The following SIK3 variants were observed in gnomAD, a reference collection of about 807,000 sequenced individuals.
The protein encoded by SIK3 is serine/threonine-protein kinase SIK3.
A neutral mutation model predicts 144.2 loss-of-function variants in SIK3; 28 were observed. The observed-to-expected ratio is 0.19, with a 90% CI of 0.14 to 0.27. The LOEUF is 0.27. Among genes scored for constraint, SIK3 ranks in the 10% least tolerant of loss-of-function variants. The probability of loss-of-function intolerance (pLI) is 1.00; values close to 1 mark genes in which losing one functional copy is unlikely to be tolerated. For missense variants in SIK3, 1,319 were observed against 1,776.0 expected, an observed-to-expected ratio of 0.74 and a Z score of 4.62; for synonymous variants, 686 against 676.3, an observed-to-expected ratio of 1.01 and a Z score of -0.22.
intron 4 of SIK3, among the ~76,000 whole-genome samples, chr11:116,924,828 C>G (rs546699129): frequency 8.7e-4 from 132 of 152,232 alleles, no homozygotes; most frequent in South Asian, 1.9e-3. Flanking sequence ...GTCCAGAGGG[C>G]CTTCTTTTAA....
At chr11:117,035,798 T>A in intron 1 of SIK3, 2 of 1,437,624 alleles carry the variant, frequency 1.4e-6, no homozygotes, top group Non-Finnish European at 1.9e-6. Flanking sequence ...AGAGTGCTTT[T>A]AGTGCTGCTT....
intron 1 of SIK3, among the ~76,000 whole-genome samples, chr11:117,052,764 A>C (rs1413336869): frequency 6.6e-6 from 1 of 152,224 alleles, no homozygotes; most frequent in Non-Finnish European, 1.5e-5. Flanking sequence ...TGCAGATAGG[A>C]AGCTTCATTG....
At chr11:116,994,951 C>CA (rs1950610684) in intron 1 of SIK3, among the ~76,000 whole-genome samples, 1 of 150,864 alleles carries the variant, frequency 6.6e-6, no homozygotes, top group Non-Finnish European at 1.5e-5. Context: ...ACTTTCACTC[C>CA]TTTTTTTTTC....
At chr11:116,851,613 T>G (rs183550767) in intron 21 of SIK3, among the ~76,000 whole-genome samples, 3 of 152,192 alleles carry the variant, frequency 2.0e-5, no homozygotes. Flanking sequence ...TGAGAAATCT[T>G]TTGAAAGTTC....
At chr11:116,919,844 G>A (rs780590934) in intron 4 of SIK3, among the ~76,000 whole-genome samples, 1 of 152,060 alleles carries the variant, frequency 6.6e-6, no homozygotes, top group Non-Finnish European at 1.5e-5. Context: ...ACATATGATT[G>A]GTTATCTGGT....
At chr11:116,927,692 T>A (rs1391445012) in intron 3 of SIK3, among the ~76,000 whole-genome samples, 1 of 152,218 alleles carries the variant, frequency 6.6e-6, no homozygotes, top group Admixed American at 6.5e-5. Context: ...TTTCATATCC[T>A]CACTGCAGAA....
At chr11:116,883,301 C>A (rs1944641622) in intron 6 of SIK3, among the ~76,000 whole-genome samples, 1 of 152,164 alleles carries the variant, frequency 6.6e-6, no homozygotes, top group African/African-American at 2.4e-5. Context: ...TGCTGTTTTT[C>A]CTCATGAAAA....
At chr11:116,848,714 A>G (rs974724135) in intron 22 of SIK3, among the ~76,000 whole-genome samples, 5 of 152,218 alleles carry the variant, frequency 3.3e-5, no homozygotes, top group Non-Finnish European at 7.3e-5. Flanking sequence ...AGGGTGACTC[A>G]AAGAAAATGC....
chr11:116,990,609 TA>T (rs1295902119), intron 1 of SIK3, among the ~76,000 whole-genome samples: 1 of 152,178 alleles, frequency 6.6e-6, no homozygotes, highest in Non-Finnish European at 1.5e-5. Context: ...CAGACACAAG[TA>T]TCTCCAACCA....
intron 22 of SIK3, among the ~76,000 whole-genome samples, chr11:116,848,332 G>A (rs1256004761): frequency 6.6e-6 from 1 of 152,044 alleles, no homozygotes; most frequent in Non-Finnish European, 1.5e-5. Flanking sequence ...GGGTGACAGA[G>A]CAAGACTCTG....
intron 4 of SIK3, among the ~76,000 whole-genome samples, chr11:116,922,119 A>G (rs1464421657): frequency 6.6e-6 from 1 of 152,210 alleles, no homozygotes; most frequent in Non-Finnish European, 1.5e-5. Context: ...TATAATATCT[A>G]TAACTAATAT....
At chr11:116,954,476 C>CAAA (rs375861538) in intron 2 of SIK3, among the ~76,000 whole-genome samples, 5 of 125,108 alleles carry the variant, frequency 4.0e-5, no homozygotes, top group Admixed American at 2.4e-4. Context: ...CCTATCAAAT[C>CAAA]AAAAAAAAAA....
chr11:116,941,358 T>C (rs1474586802), intron 3 of SIK3, among the ~76,000 whole-genome samples: 1 of 150,934 alleles, frequency 6.6e-6, no homozygotes, highest in East Asian at 1.9e-4. Context: ...GGGAAAATGG[T>C]AGTTTAGTTG....
intron 1 of SIK3, among the ~76,000 whole-genome samples, chr11:117,023,328 T>C (rs919412991): frequency 2.0e-5 from 3 of 151,790 alleles, no homozygotes; most frequent in Non-Finnish European, 4.4e-5. Flanking sequence ...AAGAAGAAAA[T>C]AGTTATCTCT....
chr11:117,006,870 A>T (rs1430394993), intron 1 of SIK3, among the ~76,000 whole-genome samples: 1 of 152,212 alleles, frequency 6.6e-6, no homozygotes, highest in East Asian at 1.9e-4. Flanking sequence ...GCCCAGATTA[A>T]TCTTGTTATT....
chr11:116,924,934 T>C (rs546830324), intron 4 of SIK3, among the ~76,000 whole-genome samples: 34 of 152,236 alleles, frequency 2.2e-4, no homozygotes, highest in African/African-American at 7.5e-4. Flanking sequence ...CAATCCCCCA[T>C]ACTTGTGAAT....
chr11:116,853,502 G>A (rs192484572), intron 21 of SIK3, among the ~76,000 whole-genome samples: 3 of 152,298 alleles, frequency 2.0e-5, no homozygotes, highest in Admixed American at 1.3e-4. Flanking sequence ...CACAATGCAC[G>A]CCACCCACCT....
At chr11:116,994,143 C>A (rs1257045244) in intron 1 of SIK3, among the ~76,000 whole-genome samples, 1 of 152,298 alleles carries the variant, frequency 6.6e-6, no homozygotes, top group African/African-American at 2.4e-5. Flanking sequence ...GCCTTAAAAT[C>A]TATTTAAAGT....
intron 1 of SIK3, among the ~76,000 whole-genome samples, chr11:116,982,622 A>G (rs1227781554): frequency 6.6e-6 from 1 of 151,912 alleles, no homozygotes; most frequent in Non-Finnish European, 1.5e-5. Flanking sequence ...CCAGAACGTT[A>G]TATGTATATT....
Sources: allele counts gnomAD v4.1 joint callset (sites outside exome capture counted in the v4.1 genomes callset), GRCh38; gene constraint gnomAD v4.1.1; transcripts MANE v1.5; gene names NCBI Gene and HGNC (gene_info 2026-07-23, HGNC 2026-07-21).